The following DAB1 variants were observed in gnomAD, a reference collection of about 807,000 sequenced individuals.
DAB1 encodes DAB adaptor protein 1.
DAB1 carries 15 observed loss-of-function variants against 64.6 expected under a neutral mutation model. The observed-to-expected ratio is 0.23, with a 90% CI of 0.16 to 0.36. The LOEUF is 0.36. Ranked by LOEUF, DAB1 falls within the 10% of genes least tolerant of loss-of-function variation. DAB1 has a pLI of 1.00. For synonymous variants in DAB1, 235 were observed against 251.9 expected (o/e 0.93, Z 0.64); for missense variants, 596 against 706.7 (o/e 0.84, Z 1.78).
chr1:57,383,397 C>G (rs1165720682), intron 1 of DAB1, among the ~76,000 whole-genome samples: 2 of 152,098 alleles, frequency 1.3e-5, no homozygotes, highest in Non-Finnish European at 2.9e-5. Context: ...GCACAGAAAC[C>G]TATCTCTGCA....
chr1:57,283,059 C>T (rs895568581), intron 2 of DAB1, among the ~76,000 whole-genome samples: 15 of 152,198 alleles, frequency 9.9e-5, no homozygotes, highest in African/African-American at 3.6e-4. Context: ...TAGTGTATGG[C>T]AACTCAGACA....
intron 1 of DAB1, chr1:58,534,050 A>G (rs754396736): frequency 1.1e-6 from 1 of 870,764 alleles, no homozygotes; most frequent in Non-Finnish European, 2.0e-6. Flanking sequence ...GAAAACAAAC[A>G]TTTGTCCATT....
chr1:58,092,515 T>A (rs1489198557), intron 5 of DAB1, among the ~76,000 whole-genome samples: 1 of 152,084 alleles, frequency 6.6e-6, no homozygotes, highest in Non-Finnish European at 1.5e-5. Flanking sequence ...GCCCATCTCT[T>A]TTTAAGAATT....
intron 1 of DAB1, among the ~76,000 whole-genome samples, chr1:58,546,119 T>C (rs184346415): frequency 4.6e-5 from 7 of 152,346 alleles, no homozygotes; most frequent in Non-Finnish European, 7.3e-5. Flanking sequence ...GTGAGTTCTG[T>C]AGACGAGTTT....
At chr1:58,474,674 A>G (rs186093326) in intron 3 of DAB1, among the ~76,000 whole-genome samples, 3 of 152,336 alleles carry the variant, frequency 2.0e-5, no homozygotes, top group Admixed American at 1.3e-4. Flanking sequence ...AGTTTCAGGG[A>G]CTATGGAGCA....
rs531197108 is a variant in DAB1, at chr1:57,357,946, A to G, written c.-137+65984T>C. 5.9e-5 allele frequency among the ~76,000 whole-genome samples: 9 copies of G among 152,156 alleles called. No homozygotes were observed. In the South Asian group the frequency reaches 1.2e-3, roughly 21 times the overall value. ...CAAGATAAGATTTGGGTGGAGACAC[A>G]GGCAAACCGTATTAGCACGGAAAAA... On this transcript the variant is annotated intron_variant, in intron 1 of 14. Coordinates refer to ENST00000371236, the MANE Select transcript of DAB1 (RefSeq NM_001365792.1).
intron 4 of DAB1, among the ~76,000 whole-genome samples, chr1:57,117,124 A>G (rs963819644): frequency 4.6e-5 from 7 of 152,202 alleles, no homozygotes; most frequent in Admixed American, 1.3e-4. Flanking sequence ...AAGATACAGA[A>G]TTGGTGAGAA....
At chr1:57,698,279 T>G (rs1467282003) in intron 6 of DAB1, among the ~76,000 whole-genome samples, 3 of 144,986 alleles carry the variant, frequency 2.1e-5, no homozygotes, top group Non-Finnish European at 4.6e-5. Flanking sequence ...TTTTTTTTTG[T>G]AGAGATGGGG....
intron 11 of DAB1, among the ~76,000 whole-genome samples, chr1:57,016,699 T>C (rs1483781553): frequency 6.6e-6 from 1 of 152,010 alleles, no homozygotes; most frequent in Non-Finnish European, 1.5e-5. Context: ...CGTATTACCA[T>C]GATAATTGTT....
chr1:57,252,612 C>G (rs935151136), intron 2 of DAB1, among the ~76,000 whole-genome samples: 4 of 152,096 alleles, frequency 2.6e-5, no homozygotes, highest in African/African-American at 9.7e-5. Flanking sequence ...GTTGGACAAA[C>G]AGAGAAATAG....
intron 1 of DAB1, among the ~76,000 whole-genome samples, chr1:57,417,508 T>C (rs1684580534): frequency 6.6e-6 from 1 of 152,214 alleles, no homozygotes; most frequent in Non-Finnish European, 1.5e-5. Context: ...TGAGAGATGC[T>C]ACTTGAAATC....
At position 58,352,414 on chromosome 1, in the gene DAB1, C is replaced by T. The variant is rs573157841; in HGVS notation, n.258-9011G>A. 8.7e-4 allele frequency among the ~76,000 whole-genome samples: 133 copies of T among 152,220 alleles called. 2 individuals are homozygous for T. Among genetic ancestry groups the T allele is most frequent in the South Asian group, 1.2e-3 (6 of 4,814 alleles). On this transcript the variant is annotated intron_variant and non_coding_transcript_variant, in intron 3 of 20. Coordinates refer to the DAB1 transcript ENST00000485760. ...ACGCTGATGAGGAAGTAGAATTAGT[C>T]ACCTGCTAATATGGTCAGACTCTAA...
intron 3 of DAB1, among the ~76,000 whole-genome samples, chr1:58,394,829 G>T (rs1468858321): frequency 1.3e-5 from 2 of 151,998 alleles, no homozygotes; most frequent in Non-Finnish European, 2.9e-5. Context: ...TGTGCTGGGG[G>T]TCATACTACT....
intron 5 of DAB1, among the ~76,000 whole-genome samples, chr1:57,973,632 T>A (rs907110298): frequency 8.7e-6 from 1 of 115,014 alleles, no homozygotes; most frequent in Non-Finnish European, 1.8e-5. Flanking sequence ...ACCCTGTGAC[T>A]CAAAAACTAG....
At chr1:57,221,827 C>A (rs1233495655) in intron 2 of DAB1, among the ~76,000 whole-genome samples, 3 of 152,070 alleles carry the variant, frequency 2.0e-5, no homozygotes. Flanking sequence ...GCAACATTAC[C>A]CTCTGCTTCA....
At position 58,173,735 on chromosome 1, in the gene DAB1, C is replaced by T. The variant is rs977436689; in HGVS notation, n.310-23147G>A. ...TCTGTCTATGCAGCCGAAGTATATTCTTCTTATGTGGAACGTCAACCTGTA... is the reference window on the plus strand; with the variant it reads ...TCTGTCTATGCAGCCGAAGTATATTTTTCTTATGTGGAACGTCAACCTGTA... On this transcript the variant is annotated intron_variant and non_coding_transcript_variant, in intron 4 of 20. Coordinates refer to the DAB1 transcript ENST00000485760. Among the ~76,000 whole-genome samples the T allele has an allele frequency of 2.5e-4, 38 of 152,276 alleles. 1 individual carries two copies. The East Asian group carries it at 2.5e-3, about 10-fold the overall frequency.
intron 9 of DAB1, among the ~76,000 whole-genome samples, chr1:57,060,363 G>A (rs1357271724): frequency 6.6e-6 from 1 of 151,954 alleles, no homozygotes; most frequent in Non-Finnish European, 1.5e-5. Context: ...TGCTGGCCAG[G>A]CTGGTCTCGA....
intron 2 of DAB1, among the ~76,000 whole-genome samples, chr1:57,217,354 G>A (rs532581103): frequency 6.6e-5 from 10 of 152,234 alleles, no homozygotes; most frequent in African/African-American, 2.4e-4. Context: ...TCAGCCTTAT[G>A]GGGCCTGAGG....
chr1:58,075,656 A>T (rs1038309340), intron 5 of DAB1, among the ~76,000 whole-genome samples: 1 of 152,250 alleles, frequency 6.6e-6, no homozygotes, highest in Non-Finnish European at 1.5e-5. Context: ...TTTGTCAAAA[A>T]TGACATAGAA....
Sources: allele counts gnomAD v4.1 joint callset (sites outside exome capture counted in the v4.1 genomes callset), GRCh38; gene constraint gnomAD v4.1.1; transcripts MANE v1.5; gene names NCBI Gene and HGNC (gene_info 2026-07-23, HGNC 2026-07-21).